Variants in SNRK observed in about 807,000 individuals in gnomAD.
SNRK encodes SNF related kinase.
A neutral mutation model predicts 48.2 loss-of-function variants in SNRK; 3 were observed. The ratio of observed to expected loss-of-function variants is 0.06; its 90% CI spans 0.03 to 0.16. The LOEUF (loss-of-function observed/expected upper bound fraction) is 0.16. Ranked by LOEUF, SNRK falls within the 10% of genes least tolerant of loss-of-function variation. The pLI is 1.00. For missense variants in SNRK, 627 were observed against 976.0 expected (o/e 0.64, Z 4.76); for synonymous variants, 376 against 366.1 (o/e 1.03, Z -0.31).
chr3:43,287,509 A>G (rs1437735766), intron 1 of SNRK, among the ~76,000 whole-genome samples: 2 of 152,176 alleles, frequency 1.3e-5, no homozygotes, highest in African/African-American at 4.8e-5. Flanking sequence ...TCCTAAATCT[A>G]TAGAGGTCTG....
chr3:43,312,619 T>TACTGAAAGTTACTTTATATA (rs1427651431), intron 3 of SNRK, among the ~76,000 whole-genome samples: 3 of 152,194 alleles, frequency 2.0e-5, no homozygotes, highest in Non-Finnish European at 4.4e-5. Context: ...CTCAACATAG[T>TACTGAAAGTTACTTTATATA]ACTGAAAGTT....
intron 4 of SNRK, among the ~76,000 whole-genome samples, chr3:43,335,125 G>T (rs1221390292): frequency 6.6e-6 from 1 of 151,954 alleles, no homozygotes; most frequent in Non-Finnish European, 1.5e-5. Context: ...AGTATTTCGT[G>T]CCACTCACTT....
rs571550020 is a variant in SNRK at position 43,317,714 on chromosome 3, C to T, written c.589+13922C>T. The stretch of plus-strand genomic sequence containing the variant: ...TCCTACCTCAGGGCCATCCATCTCC[C>T]TCCTCTGCCTAGCCACTCTTGCCCC... On this transcript the variant is annotated intron_variant, in intron 3 of 6. Transcript: ENST00000296088. 5.1e-4 allele frequency among the ~76,000 whole-genome samples: 77 copies of T among 152,298 alleles called. 1 individual carries two copies. Among genetic ancestry groups the T allele is most frequent in the Admixed American group, 4.8e-3 (73 of 15,298 alleles).
intron 5 of SNRK, chr3:43,340,786 TC>T: frequency 2.5e-6 from 1 of 406,170 alleles, no homozygotes. Context: ...TTGTTTTGTA[TC>T]CCAGTATGTA....
At chr3:43,341,156 GTT>G (rs561432916) in intron 5 of SNRK, among the ~76,000 whole-genome samples, 1 of 143,816 alleles carries the variant, frequency 7.0e-6, no homozygotes. Flanking sequence ...TTTTGTTTTT[GTT>G]TTTTTTTTTT....
chr3:43,298,032 AATG>A (rs1390564992), intron 1 of SNRK, among the ~76,000 whole-genome samples: 1 of 152,170 alleles, frequency 6.6e-6, no homozygotes, highest in East Asian at 1.9e-4. Flanking sequence ...CGTCTGTAAC[AATG>A]ATGGTGGTGG....
intron 4 of SNRK, among the ~76,000 whole-genome samples, chr3:43,338,412 T>C (rs926861558): frequency 1.3e-5 from 2 of 152,244 alleles, no homozygotes; most frequent in African/African-American, 4.8e-5. Context: ...TTCCACTGTT[T>C]TCTGGCATCC....
intron 1 of SNRK, among the ~76,000 whole-genome samples, chr3:43,298,164 T>C (rs2090871083): frequency 6.6e-6 from 1 of 152,178 alleles, no homozygotes; most frequent in Non-Finnish European, 1.5e-5. Context: ...ATTACTAACA[T>C]TTTCTAATGA....
chr3:43,290,368 G>A (rs890590778), intron 1 of SNRK, among the ~76,000 whole-genome samples: 7 of 152,176 alleles, frequency 4.6e-5, no homozygotes, highest in African/African-American at 1.7e-4. Flanking sequence ...AGAACTAGAA[G>A]CAAATCCTCT....
chr3:43,314,059 G>A (rs751358971), intron 3 of SNRK, among the ~76,000 whole-genome samples: 2 of 152,124 alleles, frequency 1.3e-5, no homozygotes, highest in East Asian at 1.9e-4. Flanking sequence ...TCAGTCTTAC[G>A]CTGGTATTTT....
rs749454831 is a variant in SNRK, at chr3:43,348,047, C to G, written c.1788C>G (p.Ala596=). 1.1e-5 allele frequency: 17 copies of G among 1,606,414 alleles called. 1 individual carries two copies. In the Admixed American group the frequency reaches 2.9e-4, roughly 27 times the overall value. ...ATGCCAGTGGAGGGGTGGACAAGGCCAGCCCCAGTGAGAACAATGCTGGTG... is the reference window on the plus strand; with the variant it reads ...ATGCCAGTGGAGGGGTGGACAAGGCGAGCCCCAGTGAGAACAATGCTGGTG... The part of the protein sequence containing the change: ...PSNASGGVDK[A]SPSENNAGGG... Residue 596 remains alanine, a synonymous_variant, in exon 7 of 7, where the codon GCC becomes GCG. Coordinates refer to ENST00000296088, the MANE Select transcript of SNRK (RefSeq NM_017719.5).
At chr3:43,321,656 A>G (rs1014914163) in intron 3 of SNRK, among the ~76,000 whole-genome samples, 1 of 152,238 alleles carries the variant, frequency 6.6e-6, no homozygotes, top group Non-Finnish European at 1.5e-5. Flanking sequence ...GACTGATAGC[A>G]GCAAGATGAG....
chr3:43,303,917 G>T lies in SNRK; in HGVS notation c.589+125G>T. The T allele has an allele frequency of 1.4e-6, 1 of 698,038 alleles. No individual in the cohort carries two copies. Among genetic ancestry groups the T allele is most frequent in the Non-Finnish European group, 2.4e-6 (1 of 420,228 alleles). The allele number at this position is 698,038 out of a possible 1,614,324, so 43.2% of individuals were successfully genotyped here. A position where few individuals can be genotyped will look rare whatever the true frequency, so the allele number is the denominator to read the frequency against. On this transcript the variant is annotated intron_variant, in intron 3 of 6. Transcript: ENST00000296088. This position sits in a 1 kb window ranked among gnomAD's most constrained non-coding sequence, Gnocchi z 6.2. ...TAAATTGGCCTTAACTAGCAAATTGGGTTTCATAAATGCCATATATGCCTA... is the reference window on the plus strand; with the variant it reads ...TAAATTGGCCTTAACTAGCAAATTGTGTTTCATAAATGCCATATATGCCTA...
At chr3:43,330,253 C>CT (rs928983590) in intron 3 of SNRK, among the ~76,000 whole-genome samples, 23 of 152,008 alleles carry the variant, frequency 1.5e-4, no homozygotes, top group South Asian at 1.2e-3. Flanking sequence ...AAAATCACCC[C>CT]TTTTTTTTGC....
At position 43,347,921 on chromosome 3, in the gene SNRK, C is replaced by G. The variant is rs755102935; in HGVS notation, c.1662C>G (p.Leu554=). Residue 554 remains leucine, a synonymous_variant, in exon 7 of 7, where the codon CTC becomes CTG. Transcript: ENST00000296088. The surrounding 1 kb of genome is among the most constrained non-coding windows in gnomAD (Gnocchi z 5.4). ...SDDDSESRRR[L]DKDSGFTYSW... ...ATGATTCTGAAAGCCGGCGGCGGCT[C>G]GATAAAGATAGCGGGTTCACCTACT... 3.1e-6 allele frequency: 5 copies of G among 1,614,012 alleles called. No individual in the cohort carries two copies. The highest frequency in any genetic ancestry group is 4.2e-6 in the Non-Finnish European group (5 of 1,180,050).
chr3:43,293,178 A>G (rs1365559418), intron 1 of SNRK, among the ~76,000 whole-genome samples: 1 of 151,644 alleles, frequency 6.6e-6, no homozygotes, highest in Non-Finnish European at 1.5e-5. Flanking sequence ...ATCTCGGCTC[A>G]CTACAGCATG....
chr3:43,295,783 G>T (rs902972914), intron 1 of SNRK, among the ~76,000 whole-genome samples: 3 of 152,056 alleles, frequency 2.0e-5, no homozygotes, highest in Non-Finnish European at 4.4e-5. Context: ...CTTTTGCTCA[G>T]GCTGGAGTGC....
chr3:43,324,962 T>C (rs2091083690), intron 3 of SNRK, among the ~76,000 whole-genome samples: 1 of 152,248 alleles, frequency 6.6e-6, no homozygotes, highest in Non-Finnish European at 1.5e-5. Context: ...TATCTTCTGT[T>C]AAAGAACATA....
chr3:43,329,480 G>A (rs576630284), intron 3 of SNRK, among the ~76,000 whole-genome samples: 1 of 152,160 alleles, frequency 6.6e-6, no homozygotes, highest in South Asian at 2.1e-4. Context: ...GGAATAAATG[G>A]CCCCTTGAAT....
Sources: allele counts gnomAD v4.1 joint callset (sites outside exome capture counted in the v4.1 genomes callset), GRCh38; gene constraint gnomAD v4.1.1; non-coding constraint Gnocchi (gnomAD v3.1); transcripts MANE v1.5; gene names NCBI Gene and HGNC (gene_info 2026-07-23, HGNC 2026-07-21).